The following NBAS variants were observed in gnomAD, a reference collection of about 807,000 sequenced individuals.
The protein encoded by NBAS is NBAS subunit of NRZ tethering complex, also known as NAG/BC035112 fusion.
A neutral mutation model predicts 302.5 loss-of-function variants in NBAS; 219 were observed. The observed-to-expected ratio is 0.72, with a 90% CI of 0.65 to 0.81. NBAS has a LOEUF of 0.81. Among genes scored for constraint, NBAS ranks in the 30% least tolerant of loss-of-function variants. NBAS has a pLI of 0.00. For synonymous variants in NBAS, 1,118 were observed against 1,021.6 expected (o/e 1.09, Z -1.80); for missense variants, 2,932 against 2,841.6 (o/e 1.03, Z -0.72).
At chr2:15,393,948 TGAG>T (rs1675738780) in intron 28 of NBAS, among the ~76,000 whole-genome samples, 1 of 151,926 alleles carries the variant, frequency 6.6e-6, no homozygotes, top group African/African-American at 2.4e-5. Context: ...GTAGCCCTGA[TGAG>T]GAGAAGGGAG....
intron 48 of NBAS, among the ~76,000 whole-genome samples, chr2:15,208,485 G>A (rs1268948428): frequency 3.3e-5 from 5 of 152,076 alleles, no homozygotes; most frequent in Non-Finnish European, 5.9e-5. Context: ...TTTCAGCATC[G>A]GACAGATTGC....
chr2:15,189,860 C>T (rs368695631), intron 49 of NBAS, among the ~76,000 whole-genome samples: 5 of 152,272 alleles, frequency 3.3e-5, no homozygotes, highest in African/African-American at 7.2e-5. Context: ...GTGTGAGTGA[C>T]TGATAATATA....
At chr2:15,559,680 CAGAATGCAGAAATCGAT>C (rs1351943102) in intron 1 of NBAS, among the ~76,000 whole-genome samples, 1 of 152,172 alleles carries the variant, frequency 6.6e-6, no homozygotes, top group African/African-American at 2.4e-5. Context: ...CTGAAATCAA[CAGAATGCAGAAATCGAT>C]AGAATGCAGA....
At chr2:15,268,287 G>A (rs536246139) in intron 44 of NBAS, among the ~76,000 whole-genome samples, 3 of 152,310 alleles carry the variant, frequency 2.0e-5, no homozygotes, top group South Asian at 2.1e-4. Flanking sequence ...TTTCCCAGTG[G>A]TAAACATCTG....
chr2:15,494,255 G>C (rs1476266380), intron 11 of NBAS, among the ~76,000 whole-genome samples: 3 of 152,138 alleles, frequency 2.0e-5, no homozygotes, highest in Non-Finnish European at 4.4e-5. Flanking sequence ...CATTAAACTT[G>C]GCTCTGCCAC....
the NBAS span, among the ~76,000 whole-genome samples, chr2:15,146,414 C>T: frequency 6.6e-6 from 1 of 152,138 alleles, no homozygotes; most frequent in African/African-American, 2.4e-5. Flanking sequence ...CCAGAAGAAA[C>T]CTTTGTGATG....
intron 48 of NBAS, among the ~76,000 whole-genome samples, chr2:15,209,380 C>G (rs1666301188): frequency 6.6e-6 from 1 of 152,004 alleles, no homozygotes; most frequent in South Asian, 2.1e-4. Flanking sequence ...AGAATAATAC[C>G]AATCCTATTC....
At chr2:15,127,252 C>G in the NBAS span, among the ~76,000 whole-genome samples, 1 of 152,248 alleles carries the variant, frequency 6.6e-6, no homozygotes, top group Non-Finnish European at 1.5e-5. Context: ...ACATCTCAAA[C>G]TCTTAGCTGC....
chr2:15,301,866 G>T (rs1670812559), intron 40 of NBAS, among the ~76,000 whole-genome samples: 2 of 152,172 alleles, frequency 1.3e-5, no homozygotes, highest in Admixed American at 1.3e-4. Flanking sequence ...TATGGCTGCA[G>T]CATGGAAGGA....
chr2:15,176,497 C>T (rs1664547826), intron 51 of NBAS, among the ~76,000 whole-genome samples: 1 of 151,972 alleles, frequency 6.6e-6, no homozygotes, highest in Non-Finnish European at 1.5e-5. Flanking sequence ...TCAAGAGTGT[C>T]TGCAAAACTC....
At position 15,394,268 on chromosome 2, in the gene NBAS, T is replaced by A. The variant is rs548487383; in HGVS notation, c.3216A>T (p.Ala1072=). 28 of 1,612,724 alleles carry A rather than the reference T, an allele frequency of 1.7e-5. No individual in the cohort carries two copies. In the African/African-American group the frequency reaches 3.6e-4, roughly 21 times the overall value. The change falls in exon 28 of 52, where the codon GCA becomes GCT. Residue 1072 remains alanine (A), a synonymous_variant. Coordinates refer to ENST00000281513, the MANE Select transcript of NBAS (RefSeq NM_015909.4). ...VKNTQSSSEE[A]RKLMVRLTRH... is the part of the protein sequence containing the mutation. ...TCGTCAATCTAACCATCAGCTTGCG[T>A]GCCTCTTCTGAGCTAGATTGAGTGT... is the stretch of plus-strand genomic sequence containing the variant.
intron 31 of NBAS, among the ~76,000 whole-genome samples, chr2:15,367,011 C>A (rs1453812212): frequency 6.6e-6 from 1 of 152,134 alleles, no homozygotes; most frequent in Non-Finnish European, 1.5e-5. Flanking sequence ...TTAAACGAGA[C>A]AGTATTTGTC....
rs1414290500 is a variant in NBAS at position 15,467,339 on chromosome 2, G to C, written c.2087C>G (p.Ala696Gly). The C allele has an allele frequency of 1.9e-6, 3 of 1,610,824 alleles. No individual in the cohort carries two copies. Among genetic ancestry groups the C allele is most frequent in the Non-Finnish European group, 2.5e-6 (3 of 1,177,284 alleles). The change falls in exon 19 of 52, where the codon GCA becomes GGA. Residue 696 changes from alanine (A) to glycine (G), a missense_variant. By Grantham distance (60) the Ala-to-Gly change is moderately conservative. Coordinates refer to ENST00000281513, the MANE Select transcript of NBAS (RefSeq NM_015909.4). ...RKLLTYLDRL[A>G]TYEEILGVPH... is the part of the protein sequence containing the mutation. ...AAAATTATTCATTACCTCATATGTTGCAAGTCGATCTAAGTAGGTTAATAA... is the reference window on the plus strand; with the variant it reads ...AAAATTATTCATTACCTCATATGTTCCAAGTCGATCTAAGTAGGTTAATAA...
the NBAS span, among the ~76,000 whole-genome samples, chr2:14,996,964 AAAAC>A: frequency 6.6e-6 from 1 of 152,214 alleles, no homozygotes; most frequent in African/African-American, 2.4e-5. Context: ...TACAGATTCT[AAAAC>A]AAACAAAGAA....
chr2:14,837,460 T>C, the NBAS span, among the ~76,000 whole-genome samples: 114 of 151,910 alleles, frequency 7.5e-4, no homozygotes, highest in African/African-American at 2.0e-3. Context: ...TAGAGAATGC[T>C]GTTTCTCCTT....
the NBAS span, among the ~76,000 whole-genome samples, chr2:15,007,010 C>G: frequency 4.6e-5 from 7 of 152,348 alleles, no homozygotes; most frequent in Non-Finnish European, 7.3e-5. Context: ...TTTAGTCCTT[C>G]TTTGTCATCA....
At chr2:15,286,476 T>C (rs757709064) in intron 42 of NBAS, among the ~76,000 whole-genome samples, 10 of 152,214 alleles carry the variant, frequency 6.6e-5, no homozygotes, top group Non-Finnish European at 1.3e-4. Flanking sequence ...CTGGCTCCTA[T>C]GCCTTGCCCC....
the NBAS span, among the ~76,000 whole-genome samples, chr2:14,839,519 G>A: frequency 6.6e-6 from 1 of 152,054 alleles, no homozygotes; most frequent in Non-Finnish European, 1.5e-5. Context: ...CTTAGCCAAT[G>A]GAGATAACAA....
intron 31 of NBAS, among the ~76,000 whole-genome samples, chr2:15,373,031 G>A (rs1226398999): frequency 1.3e-5 from 2 of 152,022 alleles, no homozygotes; most frequent in African/African-American, 4.8e-5. Context: ...ACAGAGCAAA[G>A]GTTTCATAGT....
Sources: gnomAD v4.1 joint callset for allele counts (sites outside exome capture counted in the v4.1 genomes callset) on GRCh38, gnomAD v4.1.1 for gene constraint, MANE v1.5 for transcripts, NCBI Gene and HGNC (gene_info 2026-07-23, HGNC 2026-07-21) for gene names.